The following BRD4 variants were observed in gnomAD, a reference collection of about 807,000 sequenced individuals.
BRD4 encodes the protein bromodomain containing 4, also known as bromodomain-containing protein 4.
A neutral mutation model predicts 142.1 loss-of-function variants in BRD4; 16 were observed. The observed-to-expected ratio is 0.11, with a 90% CI of 0.08 to 0.17. The LOEUF (loss-of-function observed/expected upper bound fraction) is 0.17, where lower values mean the gene tolerates loss of function less well. Among genes scored for constraint, BRD4 ranks in the 10% least tolerant of loss-of-function variants. The pLI, the probability that BRD4 is intolerant of heterozygous loss-of-function variation, is 1.00. For missense variants in BRD4, 1,424 were observed against 1,810.9 expected (o/e 0.79, Z 3.88); for synonymous variants, 833 against 707.5 (o/e 1.18, Z -2.82).
chr19:15,269,874 T>G (rs1362266663), intron 2 of BRD4, among the ~76,000 whole-genome samples: 1 of 152,168 alleles, frequency 6.6e-6, no homozygotes, highest in Admixed American at 6.5e-5. Context: ...CTAAACCTAT[T>G]CTAAAACTAA....
At chr19:15,260,866 G>T (rs2047462252) in intron 7 of BRD4, among the ~76,000 whole-genome samples, 1 of 151,850 alleles carries the variant, frequency 6.6e-6, no homozygotes. Flanking sequence ...AAAAGGAGGT[G>T]GCTCCAGGGT....
chr19:15,326,010 A>G (rs951801013), intron 1 of BRD4, among the ~76,000 whole-genome samples: 2 of 150,892 alleles, frequency 1.3e-5, no homozygotes, highest in African/African-American at 4.9e-5. Flanking sequence ...AAAAAAAAAA[A>G]AAAAAAAAGA....
chr19:15,298,620 C>CAAAAAAAAA (rs57719337), intron 1 of BRD4, among the ~76,000 whole-genome samples: 12 of 66,034 alleles, frequency 1.8e-4, no homozygotes, highest in East Asian at 4.5e-4. Flanking sequence ...GACTCCAACT[C>CAAAAAAAAA]AAAAAAAAAA....
At chr19:15,320,900 A>T (rs959003512) in intron 1 of BRD4, among the ~76,000 whole-genome samples, 2 of 152,186 alleles carry the variant, frequency 1.3e-5, no homozygotes, top group East Asian at 1.9e-4. Context: ...AGCCATCCAT[A>T]ATTTCTTGCT....
chr19:15,243,816 T>C (rs1218283412), intron 13 of BRD4, among the ~76,000 whole-genome samples: 1 of 152,102 alleles, frequency 6.6e-6, no homozygotes, highest in African/African-American at 2.4e-5. Flanking sequence ...GGTGGCCCTG[T>C]CCCCATATCC....
At chr19:15,279,310 T>C (rs952512830) in intron 1 of BRD4, among the ~76,000 whole-genome samples, 56 of 152,190 alleles carry the variant, frequency 3.7e-4, no homozygotes, top group Non-Finnish European at 7.2e-4. Flanking sequence ...ATCTAGTCAA[T>C]AGTTCAGACA....
chr19:15,290,993 G>T (rs1372381463), intron 1 of BRD4, among the ~76,000 whole-genome samples: 27 of 152,136 alleles, frequency 1.8e-4, no homozygotes, highest in Admixed American at 1.8e-3. Flanking sequence ...GTCCCAGATG[G>T]AAAGAAGTGG....
chr19:15,327,201 C>G (rs1026310295), intron 1 of BRD4, among the ~76,000 whole-genome samples: 1 of 152,084 alleles, frequency 6.6e-6, no homozygotes, highest in Admixed American at 6.6e-5. Context: ...GATATATGAC[C>G]CAGCAATTCC....
At chr19:15,271,110 A>C (rs749519350) in intron 2 of BRD4, among the ~76,000 whole-genome samples, 1 of 152,166 alleles carries the variant, frequency 6.6e-6, no homozygotes, top group Non-Finnish European at 1.5e-5. Flanking sequence ...CCCGCTGGCC[A>C]GCACTGTTCC....
At chr19:15,249,240 G>A (rs547140283) in intron 11 of BRD4, 1 of 1,613,948 alleles carries the variant, frequency 6.2e-7, no homozygotes, top group Non-Finnish European at 8.5e-7. Context: ...GAAGGAATCT[G>A]GAACTGAAGA....
chr19:15,244,170 C>T (rs2047263540), intron 13 of BRD4, 61 bp downstream of exon 13: 2 of 1,534,994 alleles, frequency 1.3e-6, no homozygotes, highest in East Asian at 4.9e-5. Flanking sequence ...GCTCGGACAC[C>T]ACATGGGTAA....
intron 4 of BRD4, among the ~76,000 whole-genome samples, chr19:15,266,600 T>C (rs2047536579): frequency 6.6e-6 from 1 of 152,170 alleles, no homozygotes; most frequent in South Asian, 2.1e-4. Flanking sequence ...AGGAATGTGA[T>C]CTGATAGGTA....
chr19:15,298,117 C>T (rs1381233505), intron 1 of BRD4, among the ~76,000 whole-genome samples: 3 of 152,236 alleles, frequency 2.0e-5, no homozygotes, highest in Admixed American at 2.0e-4. Flanking sequence ...GGCCCAATGA[C>T]TCATAGCCAA....
intron 1 of BRD4, among the ~76,000 whole-genome samples, chr19:15,309,440 T>G: frequency 6.6e-6 from 1 of 152,004 alleles, no homozygotes; most frequent in Non-Finnish European, 1.5e-5. Context: ...GGCAAAGATG[T>G]GGAGAAACTG....
intron 1 of BRD4, among the ~76,000 whole-genome samples, chr19:15,310,305 C>T (rs548259796): frequency 1.4e-5 from 2 of 141,610 alleles, no homozygotes; most frequent in African/African-American, 5.2e-5. Context: ...CCTCCGCCTC[C>T]TGGGTGACTG....
intron 1 of BRD4, 46 bp from the exon 2 acceptor site, chr19:15,273,179 G>A (rs1356364742): frequency 2.7e-6 from 4 of 1,495,972 alleles, no homozygotes; most frequent in South Asian, 1.3e-5. Flanking sequence ...GTCAGCAGAT[G>A]GGCACCGCTC....
intron 1 of BRD4, among the ~76,000 whole-genome samples, chr19:15,279,420 G>GGAT (rs1158186110): frequency 2.0e-5 from 3 of 152,162 alleles, no homozygotes; most frequent in African/African-American, 7.2e-5. Flanking sequence ...CTTGCAAAGT[G>GGAT]GATGGCAGCA....
chr19:15,253,467 G>T, intron 11 of BRD4: 1 of 1,309,662 alleles, frequency 7.6e-7, no homozygotes, highest in Non-Finnish European at 1.1e-6. Context: ...GGTCCAACGT[G>T]CAGACCCACG....
chr19:15,309,774 G>A (rs1345959116), intron 1 of BRD4, among the ~76,000 whole-genome samples: 1 of 152,176 alleles, frequency 6.6e-6, no homozygotes, highest in Non-Finnish European at 1.5e-5. Context: ...AGCAAACCGG[G>A]TAGTGTGGCA....
Sources: allele counts gnomAD v4.1 joint callset (sites outside exome capture counted in the v4.1 genomes callset), GRCh38; gene constraint gnomAD v4.1.1; transcripts MANE v1.5; gene names NCBI Gene and HGNC (gene_info 2026-07-23, HGNC 2026-07-21).